The following MIP variants were observed in gnomAD, a reference collection of about 807,000 sequenced individuals.
MIP encodes the protein major intrinsic protein of lens fiber.
MIP carries 14 observed loss-of-function variants against 21.8 expected under a neutral mutation model. The observed-to-expected ratio is 0.64, with a 90% CI of 0.42 to 1.00. MIP has a LOEUF of 1.00. Ranked by LOEUF, MIP falls within the 50% of genes least tolerant of loss-of-function variation. MIP has a pLI of 0.00. For synonymous variants in MIP, 133 were observed against 141.4 expected (o/e 0.94, Z 0.42); for missense variants, 260 against 333.5 (o/e 0.78, Z 1.72).
rs1215596312 is a variant in MIP at position 56,453,077 on chromosome 12, G to T, written c.601C>A (p.His201Asn). The change falls in exon 3 of 4, where the codon CAC (histidine) becomes AAC (asparagine). Residue 201 changes from histidine (H) to asparagine (N), a missense_variant. Physicochemically the swap from His to Asn is moderately conservative, Grantham distance 68. Transcript: ENST00000652304. ...GCCCCTCTCCCTTCACTCACCCAGT[G>T]GTTAGTGAAGTTCCCAGTGAGAATG... ...PAILTGNFTN[H>N]WVYWVGPIIG... 2 of 1,608,110 alleles carry T rather than the reference G, an allele frequency of 1.2e-6. No individual in the cohort carries two copies. Among genetic ancestry groups the T allele is most frequent in the Non-Finnish European group, 1.7e-6 (2 of 1,174,676 alleles).
chr12:56,449,763 T>C lies in MIP; in HGVS notation c.*1517A>G, dbSNP rs1301040220. The C allele has an allele frequency of 6.6e-6, 1 of 152,128 alleles. No individual in the cohort carries two copies. The highest frequency in any genetic ancestry group is 1.5e-5 in the Non-Finnish European group (1 of 68,026). The allele number at this position is 152,128 out of a possible 1,614,324, so 9.4% of individuals were successfully genotyped here. A position where few individuals can be genotyped will look rare whatever the true frequency, so the allele number is the denominator to read the frequency against. On this transcript the variant is annotated 3_prime_UTR_variant, in exon 4 of 4. Transcript: ENST00000652304. The stretch of plus-strand genomic sequence containing the variant: ...ATGTCCGTTGTATTATAGGTATAAA[T>C]TTAAAGCTTTCAAAGTATGCAAGAG...
chr12:56,453,775 G>T lies in MIP; in HGVS notation c.361-20C>A. ...GTGCAACTGTGCAAAGGAAGAAGAA[G>T]AGAGACAGCTCAGGAGGGCTGCCAC... On this transcript the variant is annotated intron_variant, in intron 1 of 3. Coordinates refer to ENST00000652304, the MANE Select transcript of MIP (RefSeq NM_012064.4). 6.2e-7 allele frequency: 1 copy of T among 1,609,506 alleles called. No individual in the cohort carries two copies. Among genetic ancestry groups the T allele is most frequent in the Non-Finnish European group, 8.5e-7 (1 of 1,178,210 alleles).
chr12:56,455,674 G>T (rs145587269), upstream of MIP, among the ~76,000 whole-genome samples: 1 of 152,184 alleles, frequency 6.6e-6, no homozygotes, highest in African/African-American at 2.4e-5. Context: ...AAGAGGTTCA[G>T]TTGTGCTCGG....
At position 56,449,811 on chromosome 12, in the gene MIP, C is replaced by T. The variant is rs1043630307; in HGVS notation, c.*1469G>A. ...GAGGCTCATAAAAGGAAGAAAGCAACCGTAAATATTCATTGAACAGTTGAG... is the reference window on the plus strand; with the variant it reads ...GAGGCTCATAAAAGGAAGAAAGCAATCGTAAATATTCATTGAACAGTTGAG... On this transcript the variant is annotated 3_prime_UTR_variant, in exon 4 of 4. Coordinates refer to ENST00000652304, the MANE Select transcript of MIP (RefSeq NM_012064.4). The T allele has an allele frequency of 2.0e-5, 3 of 152,096 alleles. No individual in the cohort carries two copies. The highest frequency in any genetic ancestry group is 7.2e-5 in the African/African-American group (3 of 41,412). 9.4% of individuals were successfully genotyped at this position (152,096 alleles called of 1,614,324 possible).
rs35639464 is a variant in MIP at position 56,451,131 on chromosome 12, GAA to G, written c.*147_*148del. The G allele has an allele frequency of 0.05, 27,474 of 554,340 alleles. 107 individuals carry two copies. The highest frequency in any genetic ancestry group is 0.063 in the Admixed American group (1,783 of 28,500). 34.3% of individuals were successfully genotyped at this position (554,340 alleles called of 1,614,324 possible). A position where few individuals can be genotyped will look rare whatever the true frequency, so the allele number is the denominator to read the frequency against. ...CTTGAAAGATTTCACACAGCAAAAG[GAA>G]AAAAAAAAAAAAAACAACCACATAC... On this transcript the variant is annotated 3_prime_UTR_variant, in exon 4 of 4. Transcript: ENST00000652304.
chr12:56,453,282 A>C, intron 2 of MIP, 130 bp from the exon 3 acceptor site: 1 of 777,812 alleles, frequency 1.3e-6, no homozygotes, highest in Non-Finnish European at 2.2e-6. Context: ...GACAGCCTGC[A>C]TGACTCTCCA....
chr12:56,451,157 A>G lies in MIP; in HGVS notation c.*123T>C. 1.3e-6 allele frequency: 1 copy of G among 775,190 alleles called. No homozygotes were observed. Among genetic ancestry groups the G allele is most frequent in the Non-Finnish European group, 2.1e-6 (1 of 474,266 alleles). The allele number at this position is 775,190 out of a possible 1,614,324, so 48.0% of individuals were successfully genotyped here. On this transcript the variant is annotated 3_prime_UTR_variant, in exon 4 of 4. Coordinates refer to ENST00000652304, the MANE Select transcript of MIP (RefSeq NM_012064.4). ...AAAAAAAAAAAAAAAACAACCACATACATAAGTTAAAAAATAAAGAAGTAC... is the reference window on the plus strand; with the variant it reads ...AAAAAAAAAAAAAAAACAACCACATGCATAAGTTAAAAAATAAAGAAGTAC...
chr12:56,454,785 G>A, upstream of MIP: 1 of 717,726 alleles, frequency 1.4e-6, no homozygotes, highest in Non-Finnish European at 2.2e-6. Context: ...TCCCCTACAT[G>A]GTAAAAATGC....
intron 3 of MIP, among the ~76,000 whole-genome samples, chr12:56,452,444 C>T (rs1868650462): frequency 6.6e-6 from 1 of 152,178 alleles, no homozygotes; most frequent in Non-Finnish European, 1.5e-5. Context: ...ACTTGGGTTG[C>T]TTTTACCTCT....
intron 3 of MIP, chr12:56,452,732 G>A: frequency 2.7e-6 from 1 of 374,024 alleles, no homozygotes. Context: ...TGGGGCTGAG[G>A]CCCATCTGTG....
At position 56,454,370 on chromosome 12, in the gene MIP, A is replaced by G. The variant is rs1868728222; in HGVS notation, c.244T>C (p.Ser82Pro). The G allele has an allele frequency of 6.2e-7, 1 of 1,614,114 alleles. No homozygotes were observed. Among genetic ancestry groups the G allele is most frequent in the Non-Finnish European group, 8.5e-7 (1 of 1,180,036 alleles). Reference protein sequence around the residue: ...TFAFLVGSQMSLLRAFCYMAA... With the variant: ...TFAFLVGSQMPLLRAFCYMAA... ...ATATAGCAGAAGGCACGGAGCAGGGACATCTGGGAGCCCACAAGGAAAGCA... is the reference window on the plus strand; with the variant it reads ...ATATAGCAGAAGGCACGGAGCAGGGGCATCTGGGAGCCCACAAGGAAAGCA... Residue 82 changes from serine (S) to proline (P), a missense_variant, in exon 1 of 4, where the codon TCC becomes CCC. Coordinates refer to ENST00000652304, the MANE Select transcript of MIP (RefSeq NM_012064.4).
intron 3 of MIP, chr12:56,452,767 G>A (rs1868659929): frequency 2.3e-6 from 1 of 428,448 alleles, no homozygotes; most frequent in African/African-American, 2.0e-5. Flanking sequence ...TGATCTCTGA[G>A]AGCAGAATTT....
chr12:56,451,182 C>A lies in MIP; in HGVS notation c.*98G>T. ...ACATAAGTTAAAAAATAAAGAAGTACATGACCCTCCCCACAGTCTCTTTCT... is the reference window on the plus strand; with the variant it reads ...ACATAAGTTAAAAAATAAAGAAGTAAATGACCCTCCCCACAGTCTCTTTCT... On this transcript the variant is annotated 3_prime_UTR_variant, in exon 4 of 4. Coordinates refer to ENST00000652304, the MANE Select transcript of MIP (RefSeq NM_012064.4). The A allele has an allele frequency of 1.1e-5, 11 of 969,478 alleles. No homozygotes were observed. The highest frequency in any genetic ancestry group is 1.7e-5 in the African/African-American group (1 of 60,448). The allele number at this position is 969,478 out of a possible 1,614,324, so 60.1% of individuals were successfully genotyped here.
chr12:56,456,497 C>T (rs903457146), upstream of MIP, among the ~76,000 whole-genome samples: 2 of 151,680 alleles, frequency 1.3e-5, no homozygotes, highest in Admixed American at 6.6e-5. Flanking sequence ...AATTAGCTGG[C>T]CATGGTGGTG....
intron 3 of MIP, among the ~76,000 whole-genome samples, chr12:56,452,392 G>A (rs1421343439): frequency 6.6e-6 from 1 of 152,104 alleles, no homozygotes; most frequent in Non-Finnish European, 1.5e-5. Flanking sequence ...TTCCATTTAT[G>A]TATATACCAC....
Position 56,454,355 on chromosome 12 carries a change from AG to A in MIP, c.258del (p.Phe87SerfsTer30), listed in dbSNP as rs1222840842. ...LVGSQMSLLRAFCYMAAQLLG... is the reference protein window; with the variant it reads ...LVGSQMSLLRXFCYMAAQLLG... Reference sequence around the variant, plus strand: ...AGGAGCTGGGCTGCCATATAGCAGAAGGCACGGAGCAGGGACATCTGGGAGC... The same window carrying A: ...AGGAGCTGGGCTGCCATATAGCAGAAGCACGGAGCAGGGACATCTGGGAGC... On this transcript the variant is annotated frameshift_variant, in exon 1 of 4. Transcript: ENST00000652304. LOFTEE classifies it high-confidence loss of function. 1 of 1,614,110 alleles carries A rather than the reference AG, an allele frequency of 6.2e-7. No individual in the cohort carries two copies. The highest frequency in any genetic ancestry group is 1.3e-5 in the African/African-American group (1 of 75,064).
At position 56,451,140 on chromosome 12, in the gene MIP, A is replaced by T; in HGVS notation, c.*140T>A. On this transcript the variant is annotated 3_prime_UTR_variant, in exon 4 of 4. Coordinates refer to ENST00000652304, the MANE Select transcript of MIP (RefSeq NM_012064.4). ...TTTCACACAGCAAAAGGAAAAAAAA[A>T]AAAAAAACAACCACATACATAAGTT... 2.8e-6 allele frequency: 2 copies of T among 710,772 alleles called. No individual in the cohort carries two copies. Among genetic ancestry groups the T allele is most frequent in the Non-Finnish European group, 4.7e-6 (2 of 428,824 alleles). The allele number at this position is 710,772 out of a possible 1,614,324, so 44.0% of individuals were successfully genotyped here. A position where few individuals can be genotyped will look rare whatever the true frequency, so the allele number is the denominator to read the frequency against.
At position 56,449,832 on chromosome 12, in the gene MIP, T is replaced by C. The variant is rs1180665457; in HGVS notation, c.*1448A>G. On this transcript the variant is annotated 3_prime_UTR_variant, in exon 4 of 4. Coordinates refer to ENST00000652304, the MANE Select transcript of MIP (RefSeq NM_012064.4). ...GCAACCGTAAATATTCATTGAACAGTTGAGGGTCTCTTCTGGCCTCTGCTG... is the reference window on the plus strand; with the variant it reads ...GCAACCGTAAATATTCATTGAACAGCTGAGGGTCTCTTCTGGCCTCTGCTG... 1 of 152,180 alleles carries C rather than the reference T, an allele frequency of 6.6e-6. No homozygotes were observed. The highest frequency in any genetic ancestry group is 1.5e-5 in the Non-Finnish European group (1 of 68,052). 9.4% of individuals were successfully genotyped at this position (152,180 alleles called of 1,614,324 possible).
chr12:56,450,551 C>G lies in MIP; in HGVS notation c.*729G>C, dbSNP rs1397031918. On this transcript the variant is annotated 3_prime_UTR_variant, in exon 4 of 4. Coordinates refer to ENST00000652304, the MANE Select transcript of MIP (RefSeq NM_012064.4). ...ATTATGTCAGAATGAACACAACCAG[C>G]CAGCGGATGTAGACAGGTTTACGTG... The G allele has an allele frequency of 1.3e-5, 2 of 152,330 alleles. No individual in the cohort carries two copies. Among genetic ancestry groups the G allele is most frequent in the African/African-American group, 4.8e-5 (2 of 41,442 alleles). The allele number at this position is 152,330 out of a possible 1,614,324, so 9.4% of individuals were successfully genotyped here.
Sources: allele counts gnomAD v4.1 joint callset (sites outside exome capture counted in the v4.1 genomes callset), GRCh38; gene constraint gnomAD v4.1.1; transcripts MANE v1.5; gene names NCBI Gene and HGNC (gene_info 2026-07-23, HGNC 2026-07-21).